GLIS3: variants seen among roughly 807,000 people sequenced by gnomAD.
The protein encoded by GLIS3 is zinc finger protein GLIS3.
GLIS3 carries 53 observed loss-of-function variants against 78.6 expected under a neutral mutation model. The observed-to-expected ratio is 0.67, with a 90% CI of 0.54 to 0.85. GLIS3 has a LOEUF of 0.85. GLIS3 is among the 40% of genes least tolerant of loss of function. GLIS3 has a pLI of 0.00. For synonymous variants in GLIS3, 684 were observed against 509.9 expected (o/e 1.34, Z -4.60); for missense variants, 1,703 against 1,231.1 (o/e 1.38, Z -5.74).
chr9:4,247,157 G>T (rs1006033108), intron 2 of GLIS3, among the ~76,000 whole-genome samples: 9 of 152,156 alleles, frequency 5.9e-5, no homozygotes, highest in Non-Finnish European at 7.3e-5. Flanking sequence ...TCTGCCATTC[G>T]TAAGTATCTC....
intron 4 of GLIS3, among the ~76,000 whole-genome samples, chr9:4,048,292 G>A (rs1825420807): frequency 6.6e-6 from 1 of 152,184 alleles, no homozygotes; most frequent in East Asian, 1.9e-4. Flanking sequence ...TGAGGATCAA[G>A]AAAACATGTT....
chr9:3,846,660 T>A (rs750771325), intron 9 of GLIS3, among the ~76,000 whole-genome samples: 36 of 152,222 alleles, frequency 2.4e-4, no homozygotes, highest in Non-Finnish European at 4.4e-4. Context: ...GACTGGTATC[T>A]ATGGGCACTG....
At chr9:4,006,814 G>A (rs1376712862) in intron 4 of GLIS3, among the ~76,000 whole-genome samples, 1 of 152,166 alleles carries the variant, frequency 6.6e-6, no homozygotes, top group Non-Finnish European at 1.5e-5. Flanking sequence ...TTCCGTAATG[G>A]TAAAAGCTAA....
chr9:3,932,156 ATC>A, intron 6 of GLIS3, among the ~76,000 whole-genome samples: 2 of 122,226 alleles, frequency 1.6e-5, no homozygotes, highest in Non-Finnish European at 4.1e-5. Context: ...CCATAGCCAT[ATC>A]AGCTATGCAA....
chr9:3,929,292 C>G (rs1350403367), intron 6 of GLIS3, among the ~76,000 whole-genome samples: 2 of 152,210 alleles, frequency 1.3e-5, no homozygotes, highest in Non-Finnish European at 2.9e-5. Context: ...AAAAGTTACT[C>G]TTCTGCATGC....
At chr9:4,011,475 G>A (rs889885858) in intron 4 of GLIS3, among the ~76,000 whole-genome samples, 2 of 152,180 alleles carry the variant, frequency 1.3e-5, no homozygotes, top group African/African-American at 4.8e-5. Context: ...AAGGCCTTGG[G>A]GAACAGATGT....
At chr9:4,337,597 T>C (rs1047823030) in intron 2 of GLIS3, among the ~76,000 whole-genome samples, 1 of 152,032 alleles carries the variant, frequency 6.6e-6, no homozygotes, top group Non-Finnish European at 1.5e-5. Flanking sequence ...CTTCCGGTCA[T>C]TTTTTCTGAC....
chr9:3,990,037 A>G (rs80042456), intron 4 of GLIS3, among the ~76,000 whole-genome samples: 1,992 of 152,350 alleles, frequency 0.013, 43 homozygotes, highest in African/African-American at 0.045. Flanking sequence ...TCACAAGTGC[A>G]TGTGAATTTA....
chr9:3,958,296 C>T (rs149366819), intron 4 of GLIS3, among the ~76,000 whole-genome samples: 66 of 152,168 alleles, frequency 4.3e-4, no homozygotes, highest in African/African-American at 1.1e-3. Context: ...TTTTATTGAG[C>T]GTCTAGTATG....
intron 2 of GLIS3, among the ~76,000 whole-genome samples, chr9:4,320,894 G>A (rs1228651077): frequency 6.6e-6 from 1 of 152,074 alleles, no homozygotes; most frequent in Non-Finnish European, 1.5e-5. Context: ...AGGCAGGTAA[G>A]TTTTTTCAAA....
intron 2 of GLIS3, among the ~76,000 whole-genome samples, chr9:4,261,388 G>A (rs565558443): frequency 6.6e-6 from 1 of 152,290 alleles, no homozygotes; most frequent in South Asian, 2.1e-4. Context: ...GGAGACAGGG[G>A]AGGGTACAGA....
rs559880551 is a variant in GLIS3 at position 3,866,616 on chromosome 9, A to G, written c.2298-10432T>C. ...TTCAGGTTTCAGGAACAGCAAGTGC[A>G]GAGTCCCCAAGGCAAGACTAGTGAG... On this transcript the variant is annotated intron_variant, in intron 8 of 10. Transcript: ENST00000381971. Among the ~76,000 whole-genome samples the G allele has an allele frequency of 8.7e-4, 132 of 152,348 alleles. 1 individual carries two copies. Among genetic ancestry groups the G allele is most frequent in the African/African-American group, 3.0e-3 (125 of 41,572 alleles).
chr9:3,879,018 A>G (rs1173645724), intron 8 of GLIS3, among the ~76,000 whole-genome samples: 2 of 152,180 alleles, frequency 1.3e-5, no homozygotes, highest in Non-Finnish European at 2.9e-5. Flanking sequence ...TAAAGTATTC[A>G]ATGAGCAGCC....
At chr9:4,322,925 A>G (rs1420124899) in intron 2 of GLIS3, among the ~76,000 whole-genome samples, 2 of 152,084 alleles carry the variant, frequency 1.3e-5, no homozygotes, top group African/African-American at 4.8e-5. Context: ...ATGAGATCCC[A>G]TTTGTCCATT....
rs917462387 is a variant in GLIS3 at position 4,239,409 on chromosome 9, A to G, written c.388+46629T>C. ...GCGATGAGGAAGATGAAGTTGTTAG[A>G]CTACTGTATTCGTATTCCAATGAAC... On this transcript the variant is annotated intron_variant, in intron 2 of 10. Coordinates refer to ENST00000381971, the MANE Select transcript of GLIS3 (RefSeq NM_001042413.2). 5.9e-5 allele frequency among the ~76,000 whole-genome samples: 9 copies of G among 152,006 alleles called. No homozygotes were observed. The South Asian group carries it at 1.7e-3, about 28-fold the overall frequency.
At chr9:4,008,304 A>G (rs1821720678) in intron 4 of GLIS3, among the ~76,000 whole-genome samples, 1 of 152,182 alleles carries the variant, frequency 6.6e-6, no homozygotes, top group African/African-American at 2.4e-5. Flanking sequence ...GGCCATGACA[A>G]GTCTGGCATC....
At chr9:4,288,373 T>A (rs544956956) in intron 1 of GLIS3, among the ~76,000 whole-genome samples, 4 of 152,326 alleles carry the variant, frequency 2.6e-5, no homozygotes, top group Admixed American at 6.5e-5. Flanking sequence ...GCAACTTTTT[T>A]AAAATAAAGA....
chr9:4,197,077 G>A lies in GLIS3; in HGVS notation c.389-71136C>T, dbSNP rs1818928913. Among the ~76,000 whole-genome samples the A allele has an allele frequency of 2.6e-5, 4 of 151,922 alleles. No homozygotes were observed. In the South Asian group the frequency reaches 8.3e-4, roughly 32 times the overall value. On this transcript the variant is annotated intron_variant, in intron 2 of 10. Transcript: ENST00000381971. ...CCAGGCAGATCTCCAAGTATTCAGAGCCCCTCCTAGCCTATATCAGCAGCC... is the reference window on the plus strand; with the variant it reads ...CCAGGCAGATCTCCAAGTATTCAGAACCCCTCCTAGCCTATATCAGCAGCC...
At chr9:4,059,829 T>TGTGTGTGTGTGAGAGAGAGA in intron 4 of GLIS3, among the ~76,000 whole-genome samples, 110 of 100,708 alleles carry the variant, frequency 1.1e-3, no homozygotes, top group East Asian at 4.6e-3. Context: ...TGTGTGTGTG[T>TGTGTGTGTGTGAGAGAGAGA]GAGAGAGAGA....
Sources: gnomAD v4.1 joint callset for allele counts (sites outside exome capture counted in the v4.1 genomes callset) on GRCh38, gnomAD v4.1.1 for gene constraint, MANE v1.5 for transcripts, NCBI Gene and HGNC (gene_info 2026-07-23, HGNC 2026-07-21) for gene names.